PGM3: variants seen among roughly 807,000 people sequenced by gnomAD.
PGM3 encodes the protein phosphoglucomutase 3.
In PGM3, 40 loss-of-function variants were observed where a neutral mutation model predicts 66.2. That is an observed-to-expected ratio of 0.60 (90% CI 0.47 to 0.79). The LOEUF is 0.79. Ranked by LOEUF, PGM3 falls within the 30% of genes least tolerant of loss-of-function variation. The pLI is 0.00. For synonymous variants in PGM3, 191 were observed against 224.2 expected (o/e 0.85, Z 1.32); for missense variants, 537 against 643.4 (o/e 0.83, Z 1.79).
rs748661694 is a variant in PGM3 at position 83,181,773 on chromosome 6, T to G, written c.750A>C (p.Gly250=). The change falls in exon 6 of 13, where the codon GGA becomes GGC. Residue 250 remains glycine (G), a synonymous_variant. Coordinates refer to ENST00000513973, the MANE Select transcript of PGM3 (RefSeq NM_015599.3). ...TCTGATGACTTTTCACAAAGTCAGC[T>G]CCACATAAATGATTGAGTTTGCCCT... ...GSKGKLNHLC[G]ADFVKSHQKP... The G allele has an allele frequency of 3.1e-6, 5 of 1,612,858 alleles. No homozygotes were observed. The African/African-American group carries it at 6.7e-5, about 22-fold the overall frequency.
the PGM3 span, among the ~76,000 whole-genome samples, chr6:83,150,279 A>G: frequency 6.6e-6 from 1 of 152,158 alleles, no homozygotes; most frequent in African/African-American, 2.4e-5. Context: ...GAGTTGTCAT[A>G]AGGTTCAGAG....
intron 3 of PGM3, among the ~76,000 whole-genome samples, chr6:83,187,778 T>C (rs183296622): frequency 1.8e-4 from 27 of 152,266 alleles, no homozygotes; most frequent in East Asian, 1.2e-3. Context: ...CACTCCAGCC[T>C]GGTGACAGAG....
At chr6:83,169,876 T>C (rs1031155280) in intron 12 of PGM3, 11 of 431,748 alleles carry the variant, frequency 2.5e-5, no homozygotes, top group African/African-American at 1.9e-4. Flanking sequence ...AAGGCTGTCA[T>C]TTAAAGGAAA....
At chr6:83,153,258 CTCTTT>C in the PGM3 span, 2 of 255,044 alleles carry the variant, frequency 7.8e-6, no homozygotes, top group South Asian at 2.9e-4. Context: ...GGTTCTTGAA[CTCTTT>C]TCTTTTTTGT....
chr6:83,157,023 CTCTT>C (rs1554251515), downstream of PGM3, among the ~76,000 whole-genome samples: 16 of 152,086 alleles, frequency 1.1e-4, no homozygotes, highest in South Asian at 1.9e-3. Context: ...AATTGGAGTT[CTCTT>C]ATTCGTTGTT....
chr6:83,177,933 C>T (rs192346780), intron 8 of PGM3, among the ~76,000 whole-genome samples: 1 of 152,256 alleles, frequency 6.6e-6, no homozygotes, highest in African/African-American at 2.4e-5. Flanking sequence ...ACCCCCCACA[C>T]ACCCTGCTCC....
At chr6:83,184,278 G>T (rs1788412540) in intron 4 of PGM3, among the ~76,000 whole-genome samples, 1 of 152,202 alleles carries the variant, frequency 6.6e-6, no homozygotes, top group Non-Finnish European at 1.5e-5. Flanking sequence ...ACACCTGTCA[G>T]TTGGACCTGA....
chr6:83,180,828 A>C (rs1462351844), intron 6 of PGM3, among the ~76,000 whole-genome samples: 5 of 152,232 alleles, frequency 3.3e-5, no homozygotes. Flanking sequence ...TTACTAAGTA[A>C]AGCATAATAA....
chr6:83,163,951 T>G (rs1235088102), downstream of PGM3, among the ~76,000 whole-genome samples: 1 of 151,914 alleles, frequency 6.6e-6, no homozygotes, highest in African/African-American at 2.4e-5. Flanking sequence ...TTATTACAGA[T>G]CTTTGCCCAA....
At chr6:83,172,231 G>A (rs1787276076) in intron 10 of PGM3, among the ~76,000 whole-genome samples, 172 bp from the exon 11 acceptor site, 1 of 152,130 alleles carries the variant, frequency 6.6e-6, no homozygotes, top group South Asian at 2.1e-4. Context: ...TCCTGTGACA[G>A]GTCAAAATGT....
chr6:83,176,301 A>G (rs1787765695), intron 8 of PGM3, among the ~76,000 whole-genome samples: 1 of 152,196 alleles, frequency 6.6e-6, no homozygotes, highest in South Asian at 2.1e-4. Flanking sequence ...TAAGACACGA[A>G]AGATTACAAG....
intron 1 of PGM3, among the ~76,000 whole-genome samples, chr6:83,192,661 A>G (rs977800214): frequency 6.6e-6 from 1 of 152,110 alleles, no homozygotes; most frequent in South Asian, 2.1e-4. Context: ...ATGATTATTC[A>G]TAAGAGTGTA....
intron 1 of PGM3, chr6:83,191,410 A>C: frequency 1.6e-6 from 1 of 620,696 alleles, no homozygotes; most frequent in Non-Finnish European, 2.8e-6. Context: ...AACCTAAATT[A>C]ACATAGATAG....
downstream of PGM3, chr6:83,159,905 A>G: frequency 6.2e-7 from 1 of 1,614,118 alleles, no homozygotes; most frequent in Non-Finnish European, 8.5e-7. Flanking sequence ...CTCTGCTTGC[A>G]AATTTTTGGA....
At chr6:83,183,401 G>C (rs773504290) in intron 4 of PGM3, among the ~76,000 whole-genome samples, 1 of 152,134 alleles carries the variant, frequency 6.6e-6, no homozygotes, top group South Asian at 2.1e-4. Flanking sequence ...AAGCTAGTTC[G>C]GAAGCCAGTT....
rs959915660 is a variant in PGM3 at position 83,167,280 on chromosome 6, G to A, written c.*1954C>T. On this transcript the variant is annotated 3_prime_UTR_variant, in exon 13 of 13. Coordinates refer to ENST00000513973, the MANE Select transcript of PGM3 (RefSeq NM_015599.3). ...CAGGTCCAGCTTTCCTCCCTATGTT[G>A]TTTAGCACAACCCAGAAGGAGACAG... 4.1e-6 allele frequency: 4 copies of A among 984,946 alleles called. No homozygotes were observed. The African/African-American group carries it at 5.2e-5, about 13-fold the overall frequency. 61.0% of individuals were successfully genotyped at this position (984,946 alleles called of 1,614,324 possible). A position where few individuals can be genotyped will look rare whatever the true frequency, so the allele number is the denominator to read the frequency against.
chr6:83,167,851 G>T lies in PGM3; in HGVS notation c.*1383C>A, dbSNP rs757265341. The stretch of plus-strand genomic sequence containing the variant: ...TTGTATTAATACCAGTTCACTTTTT[G>T]TTTTCTGCAGAAAAATCCAGAGGAA... On this transcript the variant is annotated 3_prime_UTR_variant, in exon 13 of 13. Coordinates refer to ENST00000513973, the MANE Select transcript of PGM3 (RefSeq NM_015599.3). The T allele has an allele frequency of 6.3e-6, 10 of 1,589,084 alleles. No individual in the cohort carries two copies. Among genetic ancestry groups the T allele is most frequent in the Middle Eastern group, 1.7e-4 (1 of 5,908 alleles).
intron 3 of PGM3, 197 bp downstream of exon 3, chr6:83,188,417 A>T: frequency 2.0e-6 from 1 of 507,878 alleles, no homozygotes; most frequent in Non-Finnish European, 3.5e-6. Context: ...AGGGTTTTAA[A>T]CCAGAGTCAG....
Position 83,170,219 on chromosome 6 carries a change from T to C in PGM3, c.1539+86A>G, listed in dbSNP as rs930970426. Reference sequence around the variant, plus strand: ...CAACAAAATAAAGCCTTAATCATCATAGTGAGATTCTAAAAACCATTAAAA... The same window carrying C: ...CAACAAAATAAAGCCTTAATCATCACAGTGAGATTCTAAAAACCATTAAAA... On this transcript the variant is annotated intron_variant, in intron 12 of 12. Coordinates refer to ENST00000513973, the MANE Select transcript of PGM3 (RefSeq NM_015599.3). 5.7e-6 allele frequency: 7 copies of C among 1,235,648 alleles called. No homozygotes were observed. The East Asian group carries it at 7.0e-5, about 12-fold the overall frequency. The allele number at this position is 1,235,648 out of a possible 1,614,324, so 76.5% of individuals were successfully genotyped here.
Sources: allele counts gnomAD v4.1 joint callset (sites outside exome capture counted in the v4.1 genomes callset), GRCh38; gene constraint gnomAD v4.1.1; transcripts MANE v1.5; gene names NCBI Gene and HGNC (gene_info 2026-07-23, HGNC 2026-07-21).